Variants in MELK observed in about 807,000 individuals in gnomAD.
MELK encodes the protein maternal embryonic leucine zipper kinase.
MELK carries 81 observed loss-of-function variants against 85.0 expected under a neutral mutation model. The ratio of observed to expected loss-of-function variants is 0.95; its 90% CI spans 0.80 to 1.15. The LOEUF (loss-of-function observed/expected upper bound fraction) is 1.15. Among genes scored for constraint, MELK ranks in the 50% most tolerant of loss-of-function variants. The pLI is 0.00. For missense variants in MELK, 754 were observed against 777.5 expected, an observed-to-expected ratio of 0.97 and a Z score of 0.36; for synonymous variants, 252 against 265.0, an observed-to-expected ratio of 0.95 and a Z score of 0.48.
chr9:36,636,395 G>A (rs1187654161), intron 10 of MELK, among the ~76,000 whole-genome samples: 2 of 151,938 alleles, frequency 1.3e-5, no homozygotes, highest in East Asian at 1.9e-4. Flanking sequence ...CCAACTACTC[G>A]GGAGGCTGAG....
intron 16 of MELK, among the ~76,000 whole-genome samples, chr9:36,673,612 A>G (rs966209519): frequency 1.3e-5 from 2 of 152,082 alleles, no homozygotes; most frequent in Non-Finnish European, 2.9e-5. Context: ...TTGCAGAGAC[A>G]GGGTCTCACT....
At chr9:36,606,579 C>T (rs1232499714) in intron 7 of MELK, among the ~76,000 whole-genome samples, 2 of 141,008 alleles carry the variant, frequency 1.4e-5, no homozygotes, top group Non-Finnish European at 1.5e-5. Context: ...ATAATATATA[C>T]ATATGTATAG....
At chr9:36,651,688 G>T in intron 11 of MELK, 58 bp from the exon 12 acceptor site, 2 of 1,568,550 alleles carry the variant, frequency 1.3e-6, no homozygotes, top group South Asian at 1.2e-5. Context: ...ATTAAAGATA[G>T]AACATCATTT....
At chr9:36,600,279 C>A (rs570800891) in intron 7 of MELK, among the ~76,000 whole-genome samples, 2 of 151,996 alleles carry the variant, frequency 1.3e-5, no homozygotes, top group South Asian at 4.1e-4. Flanking sequence ...TTAGTAGAGA[C>A]GGGTTTCACC....
At chr9:36,611,805 G>A (rs941057404) in intron 8 of MELK, among the ~76,000 whole-genome samples, 3 of 148,164 alleles carry the variant, frequency 2.0e-5, no homozygotes, top group South Asian at 2.2e-4. Context: ...ATGGCGTCTC[G>A]TGCTGTTGCC....
At chr9:36,608,276 T>C (rs1587414627) in intron 8 of MELK, among the ~76,000 whole-genome samples, 1 of 43,712 alleles carries the variant, frequency 2.3e-5, no homozygotes, top group Non-Finnish European at 3.9e-5. Context: ...AGACTCTGTC[T>C]CAAAAAAAAA....
At chr9:36,661,296 A>G (rs535252606) in intron 13 of MELK, among the ~76,000 whole-genome samples, 1 of 152,352 alleles carries the variant, frequency 6.6e-6, no homozygotes, top group Admixed American at 6.5e-5. Context: ...ATCTTTGGCT[A>G]ATACACAGAG....
chr9:36,579,741 G>A (rs78384805), intron 1 of MELK, among the ~76,000 whole-genome samples: 4,190 of 152,256 alleles, frequency 0.028, 81 homozygotes, highest in Non-Finnish European at 0.042. Flanking sequence ...AGATGGAGAT[G>A]GTATGAGTGT....
At chr9:36,603,919 A>G (rs531783341) in intron 7 of MELK, among the ~76,000 whole-genome samples, 10 of 151,836 alleles carry the variant, frequency 6.6e-5, no homozygotes, top group Non-Finnish European at 1.3e-4. Flanking sequence ...TTCCTCTTTA[A>G]GTTTAACCCT....
At chr9:36,647,877 C>A (rs1830366506) in intron 11 of MELK, among the ~76,000 whole-genome samples, 1 of 152,038 alleles carries the variant, frequency 6.6e-6, no homozygotes, top group Admixed American at 6.6e-5. Context: ...TTATGCTTCC[C>A]CTACTAGATT....
intron 4 of MELK, among the ~76,000 whole-genome samples, chr9:36,593,812 C>T (rs1309052865): frequency 4.6e-5 from 7 of 152,154 alleles, no homozygotes; most frequent in African/African-American, 1.7e-4. Context: ...CTGCCTCAGT[C>T]TCCTGAGTAG....
At chr9:36,639,252 G>A (rs2136811909) in intron 10 of MELK, among the ~76,000 whole-genome samples, 1 of 152,290 alleles carries the variant, frequency 6.6e-6, no homozygotes, top group East Asian at 1.9e-4. Flanking sequence ...TCTTTTGCCT[G>A]CCTTGCAGAG....
chr9:36,639,487 G>A (rs1313249507), intron 10 of MELK, among the ~76,000 whole-genome samples: 4 of 152,166 alleles, frequency 2.6e-5, no homozygotes, highest in Non-Finnish European at 5.9e-5. Context: ...CCCAAGTATT[G>A]CATCAAATAG....
intron 2 of MELK, among the ~76,000 whole-genome samples, chr9:36,582,561 A>G (rs1039333115): frequency 6.6e-6 from 1 of 152,244 alleles, no homozygotes; most frequent in African/African-American, 2.4e-5. Context: ...TTATTAAGGT[A>G]TAACATATAG....
intron 12 of MELK, among the ~76,000 whole-genome samples, chr9:36,652,745 A>G (rs996679293): frequency 2.6e-5 from 4 of 151,894 alleles, no homozygotes; most frequent in South Asian, 4.1e-4. Flanking sequence ...AAAAAAAAAA[A>G]AAAAGAAAAT....
intron 10 of MELK, among the ~76,000 whole-genome samples, chr9:36,633,575 G>A (rs552503379): frequency 6.6e-6 from 1 of 152,302 alleles, no homozygotes; most frequent in East Asian, 1.9e-4. Context: ...GAGAAGTTAT[G>A]AGGGTACAGT....
intron 1 of MELK, among the ~76,000 whole-genome samples, chr9:36,576,668 A>C (rs1821685019): frequency 6.6e-6 from 1 of 152,110 alleles, no homozygotes; most frequent in East Asian, 1.9e-4. Flanking sequence ...AGCAGCTGGG[A>C]TTACAGGTGT....
intron 11 of MELK, among the ~76,000 whole-genome samples, chr9:36,646,798 T>C (rs1201250692): frequency 6.6e-6 from 1 of 152,256 alleles, no homozygotes. Context: ...CCTCCGTGTC[T>C]GTGCCCCTCT....
At chr9:36,608,940 CAG>C (rs1413304673) in intron 8 of MELK, among the ~76,000 whole-genome samples, 3 of 152,160 alleles carry the variant, frequency 2.0e-5, no homozygotes, top group Non-Finnish European at 4.4e-5. Context: ...AAAATAAAAA[CAG>C]AATGCTGTGT....
Sources: allele counts gnomAD v4.1 joint callset (sites outside exome capture counted in the v4.1 genomes callset), GRCh38; gene constraint gnomAD v4.1.1; transcripts MANE v1.5; gene names NCBI Gene and HGNC (gene_info 2026-07-23, HGNC 2026-07-21).